Variants in NME7 observed in about 807,000 individuals in gnomAD.
NME7 encodes NME/NM23 family member 7.
NME7 carries 41 observed loss-of-function variants against 49.1 expected under a neutral mutation model. That is an observed-to-expected ratio of 0.83 (90% CI 0.65 to 1.08). The LOEUF (loss-of-function observed/expected upper bound fraction) is 1.08, where lower values mean the gene tolerates loss of function less well. NME7 is among the 50% of genes least tolerant of loss of function. NME7 has a pLI of 0.00. For missense variants in NME7, 423 were observed against 463.4 expected (o/e 0.91, Z 0.80); for synonymous variants, 139 against 150.6 (o/e 0.92, Z 0.56).
At chr1:169,362,609 G>A (rs570736744) in intron 1 of NME7, among the ~76,000 whole-genome samples, 33 of 152,266 alleles carry the variant, frequency 2.2e-4, no homozygotes, top group Admixed American at 1.8e-3. Context: ...AAACTGCAGT[G>A]GTCAGGAAGC....
intron 11 of NME7, among the ~76,000 whole-genome samples, chr1:169,147,652 AAATTT>A (rs1487817858): frequency 1.3e-5 from 2 of 152,248 alleles, no homozygotes; most frequent in African/African-American, 2.4e-5. Context: ...TAATGCAAAT[AAATTT>A]AATAGCAGAG....
intron 7 of NME7, among the ~76,000 whole-genome samples, chr1:169,247,699 G>A (rs12123168): frequency 0.38 from 57,322 of 151,808 alleles, 11,521 homozygotes; most frequent in East Asian, 0.79. Flanking sequence ...TTGCATACCC[G>A]TATCTTGGTT....
intron 2 of NME7, among the ~76,000 whole-genome samples, chr1:169,323,529 ATTTG>A (rs1651933530): frequency 6.6e-6 from 1 of 152,342 alleles, no homozygotes; most frequent in Non-Finnish European, 1.5e-5. Flanking sequence ...GAATAGAAAG[ATTTG>A]TTTATTACCA....
chr1:169,242,897 G>A (rs1179910168), intron 7 of NME7, among the ~76,000 whole-genome samples: 1 of 151,958 alleles, frequency 6.6e-6, no homozygotes, highest in Non-Finnish European at 1.5e-5. Context: ...ACAAAATGCT[G>A]GATGAAAGAG....
At chr1:169,188,985 G>A (rs981231383) in intron 10 of NME7, among the ~76,000 whole-genome samples, 3 of 152,184 alleles carry the variant, frequency 2.0e-5, no homozygotes, top group African/African-American at 7.2e-5. Flanking sequence ...CATATAATTT[G>A]ATTGGGTGGA....
chr1:169,280,680 C>G lies in NME7; in HGVS notation c.754+6623G>C, dbSNP rs912059512. 1.9e-4 allele frequency among the ~76,000 whole-genome samples: 28 copies of G among 147,646 alleles called. 1 individual carries two copies. The highest frequency in any genetic ancestry group is 3.5e-4 in the Non-Finnish European group (24 of 67,912). ...TTTCAGTTTTCTGCATATGGCTAGC[C>G]AGTTTTCCCAACACTATTTATTAAA... On this transcript the variant is annotated intron_variant, in intron 7 of 11. Transcript: ENST00000367811.
intron 11 of NME7, among the ~76,000 whole-genome samples, chr1:169,137,260 TCTG>T (rs1272342239): frequency 6.6e-6 from 1 of 152,228 alleles, no homozygotes; most frequent in Admixed American, 6.5e-5. Flanking sequence ...GGTTTAATGC[TCTG>T]CTGCTGCTGT....
At chr1:169,233,973 C>G (rs1397653448) in intron 9 of NME7, among the ~76,000 whole-genome samples, 1 of 147,406 alleles carries the variant, frequency 6.8e-6, no homozygotes, top group Non-Finnish European at 1.5e-5. Context: ...TTCCTTTTTT[C>G]TTTCTTTGTC....
At chr1:169,170,805 T>C (rs1659563830) in intron 10 of NME7, among the ~76,000 whole-genome samples, 3 of 152,082 alleles carry the variant, frequency 2.0e-5, no homozygotes. Flanking sequence ...TGCGTGCCTG[T>C]AATACCAGAT....
At chr1:169,357,742 C>T (rs936523344) in intron 1 of NME7, among the ~76,000 whole-genome samples, 3 of 151,926 alleles carry the variant, frequency 2.0e-5, no homozygotes, top group Admixed American at 6.6e-5. Flanking sequence ...TTTCCAGAGC[C>T]GAATTTCTGA....
At chr1:169,184,620 T>C (rs1381915850) in intron 10 of NME7, among the ~76,000 whole-genome samples, 1 of 152,220 alleles carries the variant, frequency 6.6e-6, no homozygotes, top group African/African-American at 2.4e-5. Flanking sequence ...TTACCTAATT[T>C]GTTGATCTCA....
chr1:169,328,729 TCAAA>T (rs1324481939), intron 1 of NME7, among the ~76,000 whole-genome samples: 1 of 152,238 alleles, frequency 6.6e-6, no homozygotes, highest in Admixed American at 6.5e-5. Flanking sequence ...TTTGGGGAGT[TCAAA>T]CAGTTATAGA....
At chr1:169,279,804 G>C (rs943247023) in intron 7 of NME7, among the ~76,000 whole-genome samples, 2 of 152,004 alleles carry the variant, frequency 1.3e-5, no homozygotes, top group Admixed American at 6.6e-5. Context: ...GCTGTAGACT[G>C]GAGCTGTTCC....
intron 7 of NME7, among the ~76,000 whole-genome samples, chr1:169,283,583 C>T (rs1650132035): frequency 6.6e-6 from 1 of 152,080 alleles, no homozygotes; most frequent in Non-Finnish European, 1.5e-5. Flanking sequence ...GTGGCTGGTA[C>T]TGGTTGTTCC....
chr1:169,309,948 C>T (rs1311684668), intron 4 of NME7, 22 bp downstream of exon 4: 5 of 1,335,640 alleles, frequency 3.7e-6, no homozygotes, highest in Non-Finnish European at 5.3e-6. Flanking sequence ...CATTACATAA[C>T]TGAAAATGAT....
chr1:169,358,963 A>G (rs1267867982), intron 1 of NME7, among the ~76,000 whole-genome samples: 3 of 152,128 alleles, frequency 2.0e-5, no homozygotes, highest in African/African-American at 4.8e-5. Flanking sequence ...TGTGTTCGCA[A>G]AAATATGTTA....
intron 3 of NME7, among the ~76,000 whole-genome samples, chr1:169,314,746 C>T (rs1232977438): frequency 6.7e-6 from 1 of 150,278 alleles, no homozygotes; most frequent in Admixed American, 6.6e-5. Context: ...GCACACGTAT[C>T]CCGGAACTTA....
intron 11 of NME7, among the ~76,000 whole-genome samples, chr1:169,144,326 A>G (rs180865306): frequency 5.9e-5 from 9 of 152,340 alleles, no homozygotes; most frequent in African/African-American, 1.9e-4. Flanking sequence ...AATACTTGCA[A>G]TGTGTAATTA....
rs1033021400 is a variant in NME7 at position 169,280,828 on chromosome 1, A to G, written c.754+6475T>C. Among the ~76,000 whole-genome samples the G allele has an allele frequency of 6.1e-5, 9 of 148,638 alleles. 1 individual carries two copies. The highest frequency in any genetic ancestry group is 1.0e-4 in the Non-Finnish European group (7 of 67,942). ...CTTTTGTCTACATATCTGTTTTGGTATAAGTACCATGCTGTTTTGGTTACT... is the reference window on the plus strand; with the variant it reads ...CTTTTGTCTACATATCTGTTTTGGTGTAAGTACCATGCTGTTTTGGTTACT... On this transcript the variant is annotated intron_variant, in intron 7 of 11. Coordinates refer to ENST00000367811, the MANE Select transcript of NME7 (RefSeq NM_013330.5).
Sources: allele counts gnomAD v4.1 joint callset (sites outside exome capture counted in the v4.1 genomes callset), GRCh38; gene constraint gnomAD v4.1.1; transcripts MANE v1.5; gene names NCBI Gene and HGNC (gene_info 2026-07-23, HGNC 2026-07-21).